The following NPNT variants were observed in gnomAD, a reference collection of about 807,000 sequenced individuals.
NPNT encodes nephronectin, also known as preosteoblast EGF-like repeat protein with MAM domain.
A neutral mutation model predicts 68.6 loss-of-function variants in NPNT; 45 were observed. The ratio of observed to expected loss-of-function variants is 0.66; its 90% CI spans 0.52 to 0.84. NPNT has a LOEUF of 0.84. Ranked by LOEUF, NPNT falls within the 40% of genes least tolerant of loss-of-function variation. The pLI is 0.00. For missense variants in NPNT, 672 were observed against 714.8 expected, an observed-to-expected ratio of 0.94 and a Z score of 0.68; for synonymous variants, 233 against 253.3, an observed-to-expected ratio of 0.92 and a Z score of 0.76.
At chr4:105,939,827 C>T (rs1729791900) in intron 5 of NPNT, among the ~76,000 whole-genome samples, 1 of 152,052 alleles carries the variant, frequency 6.6e-6, no homozygotes, top group South Asian at 2.1e-4. Flanking sequence ...GTTTAAGCAA[C>T]TTGGTAGATA....
intron 2 of NPNT, among the ~76,000 whole-genome samples, chr4:105,912,859 G>A (rs1727479589): frequency 6.6e-6 from 1 of 152,070 alleles, no homozygotes; most frequent in South Asian, 2.1e-4. Context: ...ATTCTAAGAA[G>A]ACAATGTTCT....
intron 8 of NPNT, among the ~76,000 whole-genome samples, chr4:105,954,480 C>G (rs1379740463): frequency 3.9e-5 from 6 of 152,330 alleles, no homozygotes; most frequent in Middle Eastern, 3.4e-3. Context: ...AAGCTACTAC[C>G]AGAATGGTCA....
chr4:105,931,715 C>T (rs1243340502), intron 3 of NPNT, among the ~76,000 whole-genome samples: 2 of 150,756 alleles, frequency 1.3e-5, no homozygotes, highest in Non-Finnish European at 2.9e-5. Context: ...TGGCAGGTGC[C>T]TGTAGTTCCA....
intron 8 of NPNT, among the ~76,000 whole-genome samples, chr4:105,947,531 A>G (rs976685826): frequency 3.9e-5 from 6 of 152,086 alleles, no homozygotes; most frequent in Non-Finnish European, 8.8e-5. Context: ...TTTTCCTTAT[A>G]TTTAACCTAA....
intron 8 of NPNT, among the ~76,000 whole-genome samples, chr4:105,943,372 T>C (rs1010137312): frequency 4.6e-5 from 7 of 152,160 alleles, no homozygotes; most frequent in Non-Finnish European, 1.0e-4. Context: ...GGAAGCAGTG[T>C]AATAGGCAGT....
chr4:105,915,453 G>C (rs1208840239), intron 2 of NPNT, among the ~76,000 whole-genome samples: 1 of 152,128 alleles, frequency 6.6e-6, no homozygotes, highest in Non-Finnish European at 1.5e-5. Flanking sequence ...TACCTAAACA[G>C]TCTGAGCTAC....
intron 2 of NPNT, among the ~76,000 whole-genome samples, chr4:105,906,964 T>C (rs1015610755): frequency 2.6e-5 from 4 of 152,200 alleles, no homozygotes; most frequent in African/African-American, 9.6e-5. Flanking sequence ...TGCTGATACA[T>C]GGATATGGGC....
chr4:105,898,312 GTCTCTCTCTCTCTCTGTCTCTCTC>G (rs1726069816), intron 2 of NPNT, among the ~76,000 whole-genome samples: 70 of 39,200 alleles, frequency 1.8e-3, no homozygotes, highest in African/African-American at 7.1e-3. Flanking sequence ...CTCTCTCTCT[GTCTCTCTCTCTCTCTGTCTCTCTC>G]TCTCTCTCTC....
chr4:105,947,844 G>A (rs890152035), intron 8 of NPNT, among the ~76,000 whole-genome samples: 1 of 151,992 alleles, frequency 6.6e-6, no homozygotes, highest in African/African-American at 2.4e-5. Context: ...CTGATCACGG[G>A]GGGGTTTCTT....
Position 105,927,466 on chromosome 4 carries a change from C to A in NPNT, c.265+38C>A, listed in dbSNP as rs1284996424. On this transcript the variant is annotated intron_variant, in intron 3 of 11. Coordinates refer to ENST00000379987, the MANE Select transcript of NPNT (RefSeq NM_001033047.3). ...TCTGACATAAATACACAATCGAAGACACCTCTATCACTCCCAAATTAAAAA... is the reference window on the plus strand; with the variant it reads ...TCTGACATAAATACACAATCGAAGAAACCTCTATCACTCCCAAATTAAAAA... 3 of 1,177,468 alleles carry A rather than the reference C, an allele frequency of 2.5e-6. No individual in the cohort carries two copies. In the African/African-American group the frequency reaches 4.5e-5, roughly 18 times the overall value. The allele number at this position is 1,177,468 out of a possible 1,614,324, so 72.9% of individuals were successfully genotyped here.
chr4:105,935,193 C>T (rs531542401), intron 3 of NPNT, among the ~76,000 whole-genome samples: 5 of 152,296 alleles, frequency 3.3e-5, no homozygotes, highest in East Asian at 3.9e-4. Flanking sequence ...ATCCTTTTCT[C>T]GAGATATAGG....
In NPNT at chr4:105,971,282, C is replaced by T; in HGVS notation, c.*2292C>T. The stretch of plus-strand genomic sequence containing the variant: ...AGTTTCTCTTATCAATTGGACTCTC[C>T]CAGGTTCCACAGAACAGTAATATTT... On this transcript the variant is annotated 3_prime_UTR_variant, in exon 12 of 12. Transcript: ENST00000379987. The T allele has an allele frequency of 2.6e-6, 1 of 379,762 alleles. No homozygotes were observed. Among genetic ancestry groups the T allele is most frequent in the Non-Finnish European group, 5.5e-6 (1 of 182,392 alleles). The allele number at this position is 379,762 out of a possible 1,614,324, so 23.5% of individuals were successfully genotyped here. A position where few individuals can be genotyped will look rare whatever the true frequency, so the allele number is the denominator to read the frequency against.
At chr4:105,927,878 A>G (rs1477000287) in intron 3 of NPNT, among the ~76,000 whole-genome samples, 1 of 152,192 alleles carries the variant, frequency 6.6e-6, no homozygotes, top group Non-Finnish European at 1.5e-5. Flanking sequence ...CCCTTCAACT[A>G]CTGACCAGTT....
chr4:105,968,760 T>C, intron 11 of NPNT, 135 bp from the exon 12 acceptor site: 1 of 591,596 alleles, frequency 1.7e-6, no homozygotes. Context: ...TACTGGCAAC[T>C]ATATTCTGTT....
chr4:105,953,487 C>T (rs1730985507), intron 8 of NPNT, among the ~76,000 whole-genome samples: 1 of 152,182 alleles, frequency 6.6e-6, no homozygotes, highest in South Asian at 2.1e-4. Context: ...TAAAACTTTT[C>T]TCTAACATGG....
intron 2 of NPNT, among the ~76,000 whole-genome samples, chr4:105,924,313 T>TA (rs1199949586): frequency 6.6e-6 from 1 of 152,224 alleles, no homozygotes; most frequent in African/African-American, 2.4e-5. Context: ...GTTTGATACG[T>TA]ATTTATTGAA....
At chr4:105,920,962 GTAA>G (rs1281043519) in intron 2 of NPNT, among the ~76,000 whole-genome samples, 2 of 152,148 alleles carry the variant, frequency 1.3e-5, no homozygotes, top group Admixed American at 6.5e-5. Context: ...TTCAACAGAG[GTAA>G]TAATAATATG....
intron 8 of NPNT, among the ~76,000 whole-genome samples, chr4:105,950,965 G>A (rs561070039): frequency 8.5e-5 from 13 of 152,242 alleles, no homozygotes; most frequent in African/African-American, 2.2e-4. Context: ...AGGGGATCTC[G>A]TTAAATTGAA....
In NPNT at chr4:105,940,228, T is replaced by A; in HGVS notation, c.640+19T>A. 2 of 1,610,372 alleles carry A rather than the reference T, an allele frequency of 1.2e-6. No homozygotes were observed. Among genetic ancestry groups the A allele is most frequent in the East Asian group, 2.2e-5 (1 of 44,856 alleles). Reference sequence around the variant, plus strand: ...TGTCATGGTAATGAAACCCAACCATTGCTTTGTGTTGTTTCTTCCTAGAGC... The same window carrying A: ...TGTCATGGTAATGAAACCCAACCATAGCTTTGTGTTGTTTCTTCCTAGAGC... On this transcript the variant is annotated intron_variant, in intron 6 of 11. Coordinates refer to ENST00000379987, the MANE Select transcript of NPNT (RefSeq NM_001033047.3).
Sources: allele counts gnomAD v4.1 joint callset (sites outside exome capture counted in the v4.1 genomes callset), GRCh38; gene constraint gnomAD v4.1.1; transcripts MANE v1.5; gene names NCBI Gene and HGNC (gene_info 2026-07-23, HGNC 2026-07-21).